EDN3: variants seen among roughly 807,000 people sequenced by gnomAD.
EDN3 encodes endothelin-3.
A neutral mutation model predicts 21.4 loss-of-function variants in EDN3; 9 were observed. The observed-to-expected ratio is 0.42, with a 90% CI of 0.25 to 0.73. EDN3 has a LOEUF of 0.73. Among genes scored for constraint, EDN3 ranks in the 30% least tolerant of loss-of-function variants. EDN3 has a pLI of 0.26. For synonymous variants in EDN3, 133 were observed against 126.2 expected, an observed-to-expected ratio of 1.05 and a Z score of -0.36; for missense variants, 327 against 309.4, an observed-to-expected ratio of 1.06 and a Z score of -0.43.
intron 2 of EDN3, among the ~76,000 whole-genome samples, chr20:59,320,391 G>A (rs1029514094): frequency 1.3e-5 from 2 of 152,278 alleles, no homozygotes; most frequent in African/African-American, 2.4e-5. Context: ...GCCTCAGGCT[G>A]CGGGGTAGGC....
chr20:59,307,568 G>A (rs1006775636), intron 2 of EDN3, among the ~76,000 whole-genome samples: 3 of 152,154 alleles, frequency 2.0e-5, no homozygotes, highest in Non-Finnish European at 2.9e-5. Context: ...TCCTGCTTTC[G>A]TTCATTTAAT....
chr20:59,301,798 C>T lies in EDN3; in HGVS notation c.365+76C>T. ...TCTGCTCATTCCCAGGAGGACCTCA[C>T]TCCACCCCAGCCCCGCTCAGTTAGC... is the stretch of plus-strand genomic sequence containing the variant. On this transcript the variant is annotated intron_variant, in intron 2 of 4. Transcript: ENST00000337938. 7.3e-6 allele frequency: 11 copies of T among 1,515,620 alleles called. 1 individual carries two copies. The South Asian group carries it at 1.2e-4, about 17-fold the overall frequency. The allele number at this position is 1,515,620 out of a possible 1,614,324, so 93.9% of individuals were successfully genotyped here. A position where few individuals can be genotyped will look rare whatever the true frequency, so the allele number is the denominator to read the frequency against.
chr20:59,322,157 C>A lies in EDN3; in HGVS notation c.543-215C>A, dbSNP rs1990586400. Among the ~76,000 whole-genome samples the A allele has an allele frequency of 6.6e-6, 1 of 152,190 alleles. No individual in the cohort carries two copies. On this transcript the variant is annotated intron_variant, in intron 3 of 4. Transcript: ENST00000337938. The surrounding 1 kb of genome is among the most constrained non-coding windows in gnomAD (Gnocchi z 4.1). ...TTTTCCCCCCTTCTGGGCTTTTAAA[C>A]ATCCGATGAATAAGTGAGTGGTGAG...
intron 2 of EDN3, among the ~76,000 whole-genome samples, chr20:59,311,662 T>A (rs1279182375): frequency 1.3e-5 from 2 of 151,936 alleles, no homozygotes; most frequent in Non-Finnish European, 2.9e-5. Flanking sequence ...CCATGTTTTT[T>A]TTTTTTTTCC....
intron 2 of EDN3, among the ~76,000 whole-genome samples, chr20:59,316,492 C>T (rs934003024): frequency 1.3e-5 from 2 of 152,190 alleles, no homozygotes; most frequent in African/African-American, 4.8e-5. Flanking sequence ...TGTGTCTCTT[C>T]TTTAAACTTC....
chr20:59,322,359 T>C lies in EDN3; in HGVS notation c.543-13T>C, dbSNP rs541847608. On this transcript the variant is annotated splice_polypyrimidine_tract_variant and intron_variant, in intron 3 of 4. Coordinates refer to ENST00000337938, the MANE Select transcript of EDN3 (RefSeq NM_207034.3). The surrounding 1 kb of genome is among the most constrained non-coding windows in gnomAD (Gnocchi z 4.1). Reference sequence around the variant, plus strand: ...GGCAGGTTGATTGATTAAAACCAGCTCTCTCCCCACAGTAATTCAAGGACG... The same window carrying C: ...GGCAGGTTGATTGATTAAAACCAGCCCTCTCCCCACAGTAATTCAAGGACG... 1.2e-6 allele frequency: 2 copies of C among 1,613,748 alleles called. No homozygotes were observed. The highest frequency in any genetic ancestry group is 1.7e-6 in the Non-Finnish European group (2 of 1,180,016).
chr20:59,308,378 C>G (rs1168125295), intron 2 of EDN3, among the ~76,000 whole-genome samples: 3 of 152,208 alleles, frequency 2.0e-5, no homozygotes, highest in Non-Finnish European at 4.4e-5. Flanking sequence ...TCCATCTCTT[C>G]TTGCAGATCC....
chr20:59,300,819 C>A lies in EDN3; in HGVS notation c.7C>A (p.Pro3Thr). ...CGGCGCCTGATCTAGGTTCATGGAG[C>A]CGGGGCTGTGGCTCCTTTTCGGGCT... ME[P>T]GLWLLFGLTV... Residue 3 changes from proline to threonine, a missense_variant, in exon 1 of 5, where the codon CCG becomes ACG. By Grantham distance (38) the Pro-to-Thr change is conservative (BLOSUM62 -1). Transcript: ENST00000337938. The A allele has an allele frequency of 6.2e-7, 1 of 1,611,058 alleles. No homozygotes were observed. Among genetic ancestry groups the A allele is most frequent in the Non-Finnish European group, 8.5e-7 (1 of 1,179,496 alleles).
rs1286474850 is a variant in EDN3, at chr20:59,325,264, T to C, written c.*805T>C. On this transcript the variant is annotated 3_prime_UTR_variant, in exon 5 of 5. Transcript: ENST00000337938. ...AAGGCTATTAGGTTGAATATTTGCTTTCATGAGTAAATGTGGATCTTTGGG... is the reference window on the plus strand; with the variant it reads ...AAGGCTATTAGGTTGAATATTTGCTCTCATGAGTAAATGTGGATCTTTGGG... 2 of 152,554 alleles carry C rather than the reference T, an allele frequency of 1.3e-5. No homozygotes were observed. The highest frequency in any genetic ancestry group is 3.8e-4 in the East Asian group (2 of 5,200). The allele number at this position is 152,554 out of a possible 1,614,324, so 9.5% of individuals were successfully genotyped here.
chr20:59,324,451 G>T lies in EDN3; in HGVS notation c.709G>T (p.Ala237Ser). The change falls in exon 5 of 5, where the codon GCC becomes TCC. Residue 237 changes from alanine (A) to serine (S), a missense_variant. By Grantham distance (99) the Ala-to-Ser change is moderately conservative. Transcript: ENST00000337938. ...CCCCCGCTGCCTCTTTCAGGAAGGAGCCCCTTAGGAGGACAGGCCTGCAGC... is the reference window on the plus strand; with the variant it reads ...CCCCCGCTGCCTCTTTCAGGAAGGATCCCCTTAGGAGGACAGGCCTGCAGC... ...TCPRCLFQEG[A>S]P 2 of 1,614,072 alleles carry T rather than the reference G, an allele frequency of 1.2e-6. No individual in the cohort carries two copies. The highest frequency in any genetic ancestry group is 1.3e-5 in the African/African-American group (1 of 75,000).
intron 2 of EDN3, among the ~76,000 whole-genome samples, chr20:59,311,296 A>C (rs191298039): frequency 6.6e-6 from 1 of 152,370 alleles, no homozygotes; most frequent in Admixed American, 6.5e-5. Context: ...CGAGCAAGAA[A>C]GAATTCAAGG....
chr20:59,312,021 A>T lies in EDN3; in HGVS notation c.366-8996A>T, dbSNP rs3026596. 1.9e-3 allele frequency among the ~76,000 whole-genome samples: 287 copies of T among 150,104 alleles called. 2 individuals carry two copies. Among genetic ancestry groups the T allele is most frequent in the African/African-American group, 7.0e-3 (277 of 39,448 alleles). On this transcript the variant is annotated intron_variant, in intron 2 of 4. Transcript: ENST00000337938. The stretch of plus-strand genomic sequence containing the variant: ...TTTCTTTAAATTATTCAAAGCATGT[A>T]TCATGGTGTCGGCATTTTTTTTAAT...
rs1390327515 is a variant in EDN3 at position 59,300,816 on chromosome 20, G to T, written c.4G>T (p.Glu2Ter). The change falls in exon 1 of 5, where the codon GAG (glutamate) becomes TAG (stop). Residue 2 changes from glutamate to a stop codon, truncating the protein, a stop_gained. Coordinates refer to ENST00000337938, the MANE Select transcript of EDN3 (RefSeq NM_207034.3). LOFTEE classifies it high-confidence loss of function. ...CTCCGGCGCCTGATCTAGGTTCATG[G>T]AGCCGGGGCTGTGGCTCCTTTTCGG... M[E>*]PGLWLLFGLT... 6.2e-7 allele frequency: 1 copy of T among 1,610,958 alleles called. No individual in the cohort carries two copies. The highest frequency in any genetic ancestry group is 8.5e-7 in the Non-Finnish European group (1 of 1,179,452).
intron 2 of EDN3, among the ~76,000 whole-genome samples, chr20:59,315,561 T>A (rs1990120165): frequency 6.6e-6 from 1 of 152,208 alleles, no homozygotes; most frequent in Non-Finnish European, 1.5e-5. Flanking sequence ...TCTATTTAAA[T>A]GAAACAACGC....
At chr20:59,312,035 A>AT (rs1003376511) in intron 2 of EDN3, among the ~76,000 whole-genome samples, 3 of 144,524 alleles carry the variant, frequency 2.1e-5, no homozygotes, top group South Asian at 4.2e-4. Context: ...TGGTGTCGGC[A>AT]TTTTTTTTAA....
intron 2 of EDN3, among the ~76,000 whole-genome samples, chr20:59,311,747 A>G (rs1989829554): frequency 6.6e-6 from 1 of 151,874 alleles, no homozygotes; most frequent in Non-Finnish European, 1.5e-5. Context: ...AATGAGTAAG[A>G]ATGCCTCACC....
intron 2 of EDN3, among the ~76,000 whole-genome samples, chr20:59,314,922 T>C (rs1990077918): frequency 1.3e-5 from 2 of 152,218 alleles, no homozygotes; most frequent in East Asian, 1.9e-4. Flanking sequence ...AGGGTCACTT[T>C]CATGGGCCTT....
At chr20:59,302,747 T>C (rs1340678285) in intron 2 of EDN3, among the ~76,000 whole-genome samples, 2 of 152,102 alleles carry the variant, frequency 1.3e-5, no homozygotes, top group South Asian at 2.1e-4. Flanking sequence ...TGGTTGTGAA[T>C]GCAAGCCCCT....
intron 2 of EDN3, among the ~76,000 whole-genome samples, chr20:59,303,717 C>T (rs1401024150): frequency 6.6e-6 from 1 of 152,144 alleles, no homozygotes; most frequent in Non-Finnish European, 1.5e-5. Context: ...ATGCATCCTG[C>T]GATCTGTTTG....
Sources: allele counts gnomAD v4.1 joint callset (sites outside exome capture counted in the v4.1 genomes callset), GRCh38; gene constraint gnomAD v4.1.1; non-coding constraint Gnocchi (gnomAD v3.1); transcripts MANE v1.5; gene names NCBI Gene and HGNC (gene_info 2026-07-23, HGNC 2026-07-21).